The following INVS variants were observed in gnomAD, a reference collection of about 807,000 sequenced individuals.
The protein encoded by INVS is inversion of embryo turning homolog.
In INVS, 86 loss-of-function variants were observed where a neutral mutation model predicts 108.8. The ratio of observed to expected loss-of-function variants is 0.79; its 90% CI spans 0.66 to 0.95. The LOEUF is 0.95. INVS is among the 40% of genes least tolerant of loss of function. The probability of loss-of-function intolerance (pLI) is 0.00; values close to 1 mark genes in which losing one functional copy is unlikely to be tolerated. For synonymous variants in INVS, 455 were observed against 473.5 expected (o/e 0.96, Z 0.51); for missense variants, 1,169 against 1,297.4 (o/e 0.90, Z 1.52).
intron 10 of INVS, among the ~76,000 whole-genome samples, chr9:100,257,348 C>A (rs1348666440): frequency 6.6e-6 from 1 of 152,108 alleles, no homozygotes; most frequent in Non-Finnish European, 1.5e-5. Context: ...ACTGATGGGT[C>A]TTGACTGTAT....
chr9:100,191,679 A>G (rs535621975), intron 3 of INVS, among the ~76,000 whole-genome samples: 3 of 152,122 alleles, frequency 2.0e-5, no homozygotes, highest in Non-Finnish European at 2.9e-5. Context: ...TTTATCTGGT[A>G]TTTCAAAGAT....
chr9:100,202,856 G>A (rs1045592526), intron 3 of INVS, among the ~76,000 whole-genome samples: 3 of 152,322 alleles, frequency 2.0e-5, no homozygotes, highest in Admixed American at 6.5e-5. Flanking sequence ...CTCCCCAGAT[G>A]TGCATGACTG....
intron 13 of INVS, among the ~76,000 whole-genome samples, chr9:100,290,411 G>A (rs564243474): frequency 2.3e-4 from 35 of 151,622 alleles, no homozygotes; most frequent in African/African-American, 8.0e-4. Flanking sequence ...GTGCAGTGGC[G>A]CAATCTTGGC....
At chr9:100,284,225 T>TGTA (rs1284195895) in intron 12 of INVS, 95 bp from the exon 13 acceptor site, 2 of 1,401,992 alleles carry the variant, frequency 1.4e-6, no homozygotes, top group Non-Finnish European at 2.0e-6. Context: ...TCTCCTGTGA[T>TGTA]GTAGTAGCTC....
At chr9:100,229,002 A>G (rs1831426284) in intron 4 of INVS, among the ~76,000 whole-genome samples, 1 of 152,222 alleles carries the variant, frequency 6.6e-6, no homozygotes, top group Non-Finnish European at 1.5e-5. Context: ...AGCACTTATC[A>G]GGCACTATGG....
At chr9:100,175,829 T>A in intron 3 of INVS, 1 of 667,256 alleles carries the variant, frequency 1.5e-6, no homozygotes. Flanking sequence ...CACCCAATCC[T>A]GGAACAATCA....
At chr9:100,290,580 G>C (rs937228704) in intron 13 of INVS, among the ~76,000 whole-genome samples, 3 of 152,082 alleles carry the variant, frequency 2.0e-5, no homozygotes, top group African/African-American at 7.2e-5. Flanking sequence ...TCGAACTCCC[G>C]ACCTCAGGTG....
intron 4 of INVS, among the ~76,000 whole-genome samples, chr9:100,228,576 T>C (rs1831408353): frequency 6.6e-6 from 1 of 152,180 alleles, no homozygotes; most frequent in Non-Finnish European, 1.5e-5. Flanking sequence ...ACTTACTTTG[T>C]TGATGATTAT....
At chr9:100,147,815 A>G (rs1317699933) in intron 3 of INVS, among the ~76,000 whole-genome samples, 2 of 152,104 alleles carry the variant, frequency 1.3e-5, no homozygotes, top group Admixed American at 1.3e-4. Context: ...TTCAAGATGT[A>G]TTGTTAAGTG....
rs1564195508 is a variant in INVS at position 100,297,099 on chromosome 9, C to T, written c.2969C>T (p.Thr990Ile). ...SKAPKSPSKG[T>I]SGTKSTKHSV... ...GCCCCCAAGAGTCCATCCAAGGGCA[C>T]CTCAGGCACAAAGTCCACCAAGCAC... The change falls in exon 15 of 17, where the codon ACC becomes ATC. Residue 990 changes from threonine to isoleucine, a missense_variant. This residue lies in a region of INVS where 533 missense variants were observed against 536.0 expected (regional missense o/e 0.99). Transcript: ENST00000262457. 1.2e-6 allele frequency: 2 copies of T among 1,614,036 alleles called. No individual in the cohort carries two copies. The highest frequency in any genetic ancestry group is 1.7e-6 in the Non-Finnish European group (2 of 1,180,002).
chr9:100,299,351 C>G (rs13298636), intron 16 of INVS, among the ~76,000 whole-genome samples: 10 of 152,046 alleles, frequency 6.6e-5, no homozygotes, highest in African/African-American at 2.4e-4. Flanking sequence ...TGGAGAACCC[C>G]CCACCCCCGA....
intron 3 of INVS, among the ~76,000 whole-genome samples, chr9:100,132,972 G>A (rs1395673599): frequency 6.6e-6 from 1 of 152,102 alleles, no homozygotes; most frequent in Non-Finnish European, 1.5e-5. Context: ...GGGCGTGATG[G>A]TGCGTGCCTA....
rs893236117 is a variant in INVS, at chr9:100,298,436, C to T, written c.3091+426C>T. 9.1e-5 allele frequency: 55 copies of T among 606,582 alleles called. No homozygotes were observed. In the African/African-American group the frequency reaches 1.0e-3, roughly 11 times the overall value. 37.6% of individuals were successfully genotyped at this position (606,582 alleles called of 1,614,324 possible). On this transcript the variant is annotated intron_variant, in intron 16 of 16. Coordinates refer to ENST00000262457, the MANE Select transcript of INVS (RefSeq NM_014425.5). ...CATGTACAGCCCAGGCTCAGCTGTG[C>T]GTGCTTTCCCTCATACAGGAGAAGC...
intron 3 of INVS, among the ~76,000 whole-genome samples, chr9:100,203,852 A>G (rs983922092): frequency 2.0e-5 from 3 of 152,148 alleles, no homozygotes; most frequent in African/African-American, 7.2e-5. Context: ...CCATGGTCAG[A>G]TAAGTGTAGG....
chr9:100,137,766 A>T (rs538859578), intron 3 of INVS, among the ~76,000 whole-genome samples: 1 of 152,342 alleles, frequency 6.6e-6, no homozygotes, highest in East Asian at 1.9e-4. Flanking sequence ...CCATATAAAT[A>T]ATCTCTTTTG....
At chr9:100,255,699 T>G (rs1163604896) in intron 10 of INVS, among the ~76,000 whole-genome samples, 1 of 152,234 alleles carries the variant, frequency 6.6e-6, no homozygotes, top group African/African-American at 2.4e-5. Context: ...TGATTCTGTC[T>G]ATATGATGGA....
intron 5 of INVS, among the ~76,000 whole-genome samples, chr9:100,239,763 G>A (rs1831806495): frequency 6.6e-6 from 1 of 152,038 alleles, no homozygotes; most frequent in Non-Finnish European, 1.5e-5. Flanking sequence ...CTTGAGCCTA[G>A]GAATTCAAGA....
chr9:100,281,746 C>T (rs1246547675), intron 12 of INVS, among the ~76,000 whole-genome samples: 1 of 144,370 alleles, frequency 6.9e-6, no homozygotes, highest in Non-Finnish European at 1.5e-5. Flanking sequence ...CCCCTGGTAT[C>T]CCCCCTCCAA....
chr9:100,106,629 A>G lies in INVS; in HGVS notation c.106+2002A>G, dbSNP rs142398658. 5.9e-5 allele frequency among the ~76,000 whole-genome samples: 9 copies of G among 152,320 alleles called. No individual in the cohort carries two copies. In the East Asian group the frequency reaches 1.3e-3, roughly 23 times the overall value. On this transcript the variant is annotated intron_variant, in intron 2 of 16. Coordinates refer to ENST00000262457, the MANE Select transcript of INVS (RefSeq NM_014425.5). ...CTAAGCAGTTGAACCCAGCTGTGTA[A>G]TAGTACACAGTTATGTGGGCAGTCT...
Sources: gnomAD v4.1 joint callset for allele counts (sites outside exome capture counted in the v4.1 genomes callset) on GRCh38, gnomAD v4.1.1 for gene constraint, gnomAD v4.1.1 regional missense constraint, MANE v1.5 for transcripts, NCBI Gene and HGNC (gene_info 2026-07-23, HGNC 2026-07-21) for gene names.